MID2: variants seen among roughly 807,000 people sequenced by gnomAD.
MID2 encodes midline 2.
MID2 carries 13 observed loss-of-function variants against 46.1 expected under a neutral mutation model. The ratio of observed to expected loss-of-function variants is 0.28; its 90% CI spans 0.18 to 0.45. The LOEUF (loss-of-function observed/expected upper bound fraction) is 0.45, where lower values mean the gene tolerates loss of function less well. Ranked by LOEUF, MID2 falls within the 20% of genes least tolerant of loss-of-function variation. MID2 has a pLI of 1.00. For missense variants in MID2, 431 were observed against 575.4 expected, an observed-to-expected ratio of 0.75 and a Z score of 2.57; for synonymous variants, 199 against 212.3, an observed-to-expected ratio of 0.94 and a Z score of 0.55.
chrX:107,912,776 T>C (rs1932910848), intron 5 of MID2, among the ~76,000 whole-genome samples: 1 of 111,088 alleles, frequency 9.0e-6, no homozygotes, highest in South Asian at 3.9e-4. Context: ...TAACCTGAGG[T>C]GTAGGTGGAA....
At chrX:107,887,507 G>A (rs1156705454) in intron 3 of MID2, among the ~76,000 whole-genome samples, 1 of 111,844 alleles carries the variant, frequency 8.9e-6, no homozygotes, top group Admixed American at 9.5e-5. Context: ...TTTTTGATGT[G>A]CTGCTGGATT....
chrX:107,847,881 T>C (rs769991540), intron 2 of MID2, among the ~76,000 whole-genome samples: 1 of 110,573 alleles, frequency 9.0e-6, no homozygotes, highest in South Asian at 3.9e-4. Context: ...ATAGGAGGAA[T>C]AGCAAGATAG....
chrX:107,892,157 A>C (rs1932619728), intron 3 of MID2, among the ~76,000 whole-genome samples: 1 of 111,910 alleles, frequency 8.9e-6, no homozygotes, highest in African/African-American at 3.3e-5. Flanking sequence ...GAGTACAGAG[A>C]GTGGCTAAAT....
At chrX:107,851,244 AC>A (rs1176472318) in intron 2 of MID2, among the ~76,000 whole-genome samples, 2 of 110,994 alleles carry the variant, frequency 1.8e-5, no homozygotes, top group Non-Finnish European at 3.8e-5. Flanking sequence ...AGGAGTCTAG[AC>A]TTGCAGCCTC....
intron 3 of MID2, among the ~76,000 whole-genome samples, chrX:107,901,819 A>G (rs1932796457): frequency 8.9e-6 from 1 of 111,961 alleles, no homozygotes; most frequent in Admixed American, 9.5e-5. Context: ...CAGTAAACAG[A>G]TGGGGAAATG....
At chrX:107,908,448 A>G (rs1418411440) in intron 5 of MID2, among the ~76,000 whole-genome samples, 2 of 111,637 alleles carry the variant, frequency 1.8e-5, no homozygotes, top group Non-Finnish European at 3.8e-5. Context: ...TTCTATTGAT[A>G]TATCTTCAAG....
In MID2 at chrX:107,841,139, G is replaced by A. The variant is rs758617416; in HGVS notation, c.474G>A (p.Glu158=). 2 of 1,211,426 alleles carry A rather than the reference G, an allele frequency of 1.7e-6. No homozygotes were observed. The highest frequency in any genetic ancestry group is 4.3e-5 in the Admixed American group (2 of 46,043). The change falls in exon 2 of 10, where the codon GAG becomes GAA. Residue 158 remains glutamate (E), a synonymous_variant. Transcript: ENST00000262843. The part of the protein sequence containing the change: ...RDAVKTCITC[E]VSYCDRCLRA... ...CAGTAAAAACATGCATCACCTGTGA[G>A]GTCTCCTACTGTGACCGTTGCCTGC...
intron 7 of MID2, among the ~76,000 whole-genome samples, chrX:107,923,674 G>T (rs751019128): frequency 3.6e-5 from 4 of 111,385 alleles, no homozygotes; most frequent in Admixed American, 1.9e-4. Context: ...GGTAAGGATG[G>T]AGTAGGAGAG....
In MID2 at chrX:107,836,998, C is replaced by T. The variant is rs1388858552; in HGVS notation, c.5-3672C>T. On this transcript the variant is annotated intron_variant, in intron 1 of 9. Coordinates refer to ENST00000262843, the MANE Select transcript of MID2 (RefSeq NM_012216.4). ...AGAATCTTTTGAAAGCTATGGGCAA[C>T]CCTTTCCCCAGGAAAAATGCATATA... Among the ~76,000 whole-genome samples the T allele has an allele frequency of 3.6e-5, 4 of 111,127 alleles. 1 individual carries two copies. The highest frequency in any genetic ancestry group is 9.8e-5 in the African/African-American group (3 of 30,503).
intron 2 of MID2, among the ~76,000 whole-genome samples, chrX:107,844,349 A>G (rs1857288308): frequency 9.0e-6 from 1 of 111,253 alleles, no homozygotes; most frequent in African/African-American, 3.3e-5. Context: ...TAGTTCAATT[A>G]ATTATTCAAT....
chrX:107,857,660 C>G (rs1282337028), intron 3 of MID2, among the ~76,000 whole-genome samples: 2 of 111,928 alleles, frequency 1.8e-5, no homozygotes, highest in African/African-American at 6.5e-5. Flanking sequence ...TCTCCAAAAG[C>G]CTTCAGGACA....
rs1320388547 is a variant in MID2, at chrX:107,927,521, T to A, written c.*448T>A. On this transcript the variant is annotated 3_prime_UTR_variant, in exon 10 of 10. Transcript: ENST00000262843. The stretch of plus-strand genomic sequence containing the variant: ...TTGAACAGTGTCAAATTATCACATA[T>A]TATATTTTACTTTTGATGAAAACCT... Among the ~76,000 whole-genome samples, 1 of 111,583 alleles carries A rather than the reference T, an allele frequency of 9.0e-6. No homozygotes were observed. Among genetic ancestry groups the A allele is most frequent in the Non-Finnish European group, 1.9e-5 (1 of 53,057 alleles).
Position 107,917,724 on chromosome X carries a change from GC to G in MID2, c.1422del (p.Ala476ArgfsTer9). 1 of 1,211,374 alleles carries G rather than the reference GC, an allele frequency of 8.3e-7. No individual in the cohort carries two copies. Among genetic ancestry groups the G allele is most frequent in the Non-Finnish European group, 1.1e-6 (1 of 894,896 alleles). ...CKEAVSCSRL[A>X]GAPRGLYNSV... ...GGAAGCAGTAAGCTGCTCAAGATTG[GC>G]CGGGGCGCCACGAGGCAAGTGTTTG... On this transcript the variant is annotated frameshift_variant, in exon 7 of 10. Transcript: ENST00000262843. LOFTEE classifies it high-confidence loss of function.
rs898010431 is a variant in MID2 at position 107,877,133 on chromosome X, C to T, written c.816+22429C>T. ...AAACCGGAGGGCTGAACCAATCCTA[C>T]ACTATCAGCAAAGGTCTGGATTACT... On this transcript the variant is annotated intron_variant, in intron 3 of 9. Transcript: ENST00000262843. Among the ~76,000 whole-genome samples the T allele has an allele frequency of 3.6e-5, 4 of 112,143 alleles. No homozygotes were observed. In the Admixed American group the frequency reaches 3.8e-4, roughly 11 times the overall value.
intron 3 of MID2, among the ~76,000 whole-genome samples, chrX:107,889,302 T>G (rs1174086874): frequency 8.9e-6 from 1 of 111,908 alleles, no homozygotes; most frequent in Non-Finnish European, 1.9e-5. Flanking sequence ...AGGAGCTCTT[T>G]TAGGGCAGGC....
chrX:107,919,796 C>T (rs1275029353), intron 7 of MID2, among the ~76,000 whole-genome samples: 2 of 111,798 alleles, frequency 1.8e-5, no homozygotes, highest in Non-Finnish European at 3.8e-5. Flanking sequence ...ACTTTGACTA[C>T]TGACTGTTTA....
chrX:107,846,187 A>G (rs145869208), intron 2 of MID2, among the ~76,000 whole-genome samples: 142 of 111,549 alleles, frequency 1.3e-3, no homozygotes, highest in Non-Finnish European at 2.3e-3. Context: ...CTAAGGATCA[A>G]TCTAATAAAT....
At chrX:107,826,556 C>G in intron 1 of MID2, 126 bp downstream of exon 1, 1 of 863,696 alleles carries the variant, frequency 1.2e-6, no homozygotes, top group Non-Finnish European at 1.5e-6. Flanking sequence ...CTCTCCGGCT[C>G]GGCGAGGCAG....
intron 3 of MID2, among the ~76,000 whole-genome samples, chrX:107,863,737 T>A (rs951454318): frequency 4.4e-5 from 5 of 112,610 alleles, no homozygotes; most frequent in African/African-American, 1.6e-4. Context: ...ACTAAACAAA[T>A]GTTTTAAAAA....
Sources: allele counts gnomAD v4.1 joint callset (sites outside exome capture counted in the v4.1 genomes callset), GRCh38; gene constraint gnomAD v4.1.1; transcripts MANE v1.5; gene names NCBI Gene and HGNC (gene_info 2026-07-23, HGNC 2026-07-21).